NTRK3: variants seen among roughly 807,000 people sequenced by gnomAD.
NTRK3 encodes the protein neurotrophic receptor tyrosine kinase 3.
In NTRK3, 24 loss-of-function variants were observed where a neutral mutation model predicts 91.7. That is an observed-to-expected ratio of 0.26 (90% CI 0.19 to 0.37). The LOEUF (loss-of-function observed/expected upper bound fraction) is 0.37. Among genes scored for constraint, NTRK3 ranks in the 10% least tolerant of loss-of-function variants. The pLI, the probability that NTRK3 is intolerant of heterozygous loss-of-function variation, is 1.00. For missense variants in NTRK3, 880 were observed against 1,068.9 expected (o/e 0.82, Z 2.46); for synonymous variants, 483 against 404.0 (o/e 1.20, Z -2.34).
chr15:88,135,130 T>A (rs775624230), exon 10 of NTRK3: 2 of 1,614,234 alleles, frequency 1.2e-6, no homozygotes, highest in Non-Finnish European at 8.5e-7. Flanking sequence ...GAAGTGGCCA[T>A]TGATGGTCTG....
chr15:88,216,199 C>A (rs1329311734), intron 3 of NTRK3, among the ~76,000 whole-genome samples: 1 of 152,256 alleles, frequency 6.6e-6, no homozygotes, highest in Middle Eastern at 3.4e-3. Context: ...CTCACTGGGG[C>A]AGGGAGGACA....
At position 87,947,669 on chromosome 15, in the gene NTRK3, AG is replaced by A. The variant is rs2070702617; in HGVS notation, c.1586-6917del. Among the ~76,000 whole-genome samples the A allele has an allele frequency of 4.6e-5, 7 of 151,900 alleles. No individual in the cohort carries two copies. In the South Asian group the frequency reaches 1.5e-3, roughly 32 times the overall value. On this transcript the variant is annotated intron_variant, in intron 14 of 18. Transcript: ENST00000394480. Reference sequence around the variant, plus strand: ...TGACTACACGCAGGAGGGAGGAGGGAGGAGGGAGATTCTTGGCAGGAGAGAA... The same window carrying A: ...TGACTACACGCAGGAGGGAGGAGGGAGAGGGAGATTCTTGGCAGGAGAGAA...
chr15:88,180,170 G>C lies in NTRK3; in HGVS notation c.395+3248C>G, dbSNP rs184764752. On this transcript the variant is annotated intron_variant, in intron 5 of 18. Transcript: ENST00000394480. ...TAATCTTGACCACATCCCATCCCTAGAATAGCCACTATTATTATGCCCACT... is the reference window on the plus strand; with the variant it reads ...TAATCTTGACCACATCCCATCCCTACAATAGCCACTATTATTATGCCCACT... Among the ~76,000 whole-genome samples the C allele has an allele frequency of 1.6e-4, 25 of 152,202 alleles. No individual in the cohort carries two copies. In the East Asian group the frequency reaches 4.6e-3, roughly 28 times the overall value.
intron 13 of NTRK3, among the ~76,000 whole-genome samples, chr15:88,082,335 G>A (rs935717089): frequency 1.1e-4 from 16 of 151,570 alleles, no homozygotes; most frequent in African/African-American, 1.7e-4. Flanking sequence ...CTTCAGCAGC[G>A]GGGAAGAAGA....
chr15:87,989,291 A>C (rs868682305), intron 14 of NTRK3, among the ~76,000 whole-genome samples: 1 of 152,218 alleles, frequency 6.6e-6, no homozygotes, highest in East Asian at 1.9e-4. Flanking sequence ...AAGAAAATGC[A>C]GCACATATAC....
intron 5 of NTRK3, among the ~76,000 whole-genome samples, chr15:88,172,705 G>A (rs756401761): frequency 6.6e-5 from 10 of 152,196 alleles, no homozygotes; most frequent in South Asian, 6.2e-4. Flanking sequence ...GGTGAGGCAC[G>A]TGGCCATGTT....
chr15:88,078,443 G>C (rs538199547), intron 13 of NTRK3, among the ~76,000 whole-genome samples: 12 of 152,308 alleles, frequency 7.9e-5, no homozygotes, highest in Admixed American at 6.5e-4. Flanking sequence ...GAAGTCAGGA[G>C]TTCAAAGACC....
chr15:88,161,680 T>A (rs908927018), intron 5 of NTRK3, among the ~76,000 whole-genome samples: 2 of 152,112 alleles, frequency 1.3e-5, no homozygotes, highest in Non-Finnish European at 1.5e-5. Flanking sequence ...AGAAATGAGC[T>A]ACATACTCCA....
chr15:88,249,661 G>T (rs2053169497), intron 3 of NTRK3, among the ~76,000 whole-genome samples: 1 of 152,130 alleles, frequency 6.6e-6, no homozygotes, highest in South Asian at 2.1e-4. Flanking sequence ...CTCCTTGGGG[G>T]TTCTCAGGAC....
intron 13 of NTRK3, among the ~76,000 whole-genome samples, chr15:88,088,277 G>C (rs944559858): frequency 3.3e-5 from 5 of 152,162 alleles, no homozygotes; most frequent in Admixed American, 3.3e-4. Flanking sequence ...GGAACTATCA[G>C]CTCCTATGTT....
chr15:88,131,204 T>C (rs2041303804), intron 10 of NTRK3, among the ~76,000 whole-genome samples: 1 of 152,224 alleles, frequency 6.6e-6, no homozygotes. Context: ...ATATCAATAC[T>C]ACACAGCCTC....
chr15:88,181,646 T>C (rs2046472159), intron 5 of NTRK3, among the ~76,000 whole-genome samples: 1 of 152,218 alleles, frequency 6.6e-6, no homozygotes, highest in Non-Finnish European at 1.5e-5. Context: ...GTGTGCCACA[T>C]TCTGCTCATA....
At chr15:88,088,313 G>A (rs2048695374) in intron 13 of NTRK3, among the ~76,000 whole-genome samples, 1 of 152,162 alleles carries the variant, frequency 6.6e-6, no homozygotes, top group Non-Finnish European at 1.5e-5. Context: ...AATAGTTGTT[G>A]TTGCTATGAG....
intron 3 of NTRK3, among the ~76,000 whole-genome samples, chr15:88,208,571 G>C (rs1055602929): frequency 6.6e-6 from 1 of 152,186 alleles, no homozygotes; most frequent in Admixed American, 6.5e-5. Flanking sequence ...GATGGCTGAG[G>C]CTGCTAGTCC....
rs2042904517 is a variant in NTRK3 at position 88,146,529 on chromosome 15, G to A, written c.464+806C>T. Among the ~76,000 whole-genome samples the A allele has an allele frequency of 3.3e-5, 5 of 152,120 alleles. No individual in the cohort carries two copies. In the South Asian group the frequency reaches 8.3e-4, roughly 25 times the overall value. ...TTGATTTATACCCTCAACATAATATGATGTCCTTCATGCACAGAGATGACC... is the reference window on the plus strand; with the variant it reads ...TTGATTTATACCCTCAACATAATATAATGTCCTTCATGCACAGAGATGACC... On this transcript the variant is annotated intron_variant, in intron 6 of 18. Transcript: ENST00000394480.
chr15:88,228,669 G>A (rs757084355), intron 3 of NTRK3, among the ~76,000 whole-genome samples: 3 of 152,130 alleles, frequency 2.0e-5, no homozygotes, highest in African/African-American at 7.2e-5. Context: ...TATTATAGTT[G>A]TCTATTGGGG....
intron 9 of NTRK3, among the ~76,000 whole-genome samples, 200 bp from the exon 10 acceptor site, chr15:88,135,597 G>A (rs1450228457): frequency 1.3e-5 from 2 of 152,186 alleles, no homozygotes; most frequent in African/African-American, 4.8e-5. Flanking sequence ...CACCTTAGCT[G>A]GAGGGCTCCC....
At chr15:88,203,811 T>C (rs926886691) in intron 3 of NTRK3, among the ~76,000 whole-genome samples, 1 of 152,182 alleles carries the variant, frequency 6.6e-6, no homozygotes, top group African/African-American at 2.4e-5. Context: ...TACCCCAAAA[T>C]ATGTATGTCT....
exon 13 of NTRK3, chr15:88,126,272 C>T (rs1233882398): frequency 3.7e-6 from 6 of 1,609,304 alleles, no homozygotes; most frequent in Non-Finnish European, 5.1e-6. Context: ...CCACCTTACC[C>T]TTCATTCCAA....
Sources: allele counts gnomAD v4.1 joint callset (sites outside exome capture counted in the v4.1 genomes callset), GRCh38; gene constraint gnomAD v4.1.1; transcripts MANE v1.5; gene names NCBI Gene and HGNC (gene_info 2026-07-23, HGNC 2026-07-21).